The following USP45 variants were observed in gnomAD, a reference collection of about 807,000 sequenced individuals.
USP45 encodes the protein ubiquitin specific peptidase 45, also known as ubiquitin carboxyl-terminal hydrolase 45.
Under a neutral mutation model 95.8 loss-of-function variants are expected in USP45, and 89 were observed. The ratio of observed to expected loss-of-function variants is 0.93; its 90% confidence interval spans 0.78 to 1.11. USP45 has a LOEUF of 1.11. Ranked by LOEUF, USP45 falls within the 50% of genes least tolerant of loss-of-function variation. USP45 has a pLI of 0.00. For synonymous variants in USP45, 281 were observed against 316.2 expected, an observed-to-expected ratio of 0.89 and a Z score of 1.18; for missense variants, 898 against 942.5, an observed-to-expected ratio of 0.95 and a Z score of 0.62.
chr6:99,490,823 G>C (rs972376968), intron 5 of USP45, among the ~76,000 whole-genome samples: 59 of 152,272 alleles, frequency 3.9e-4, no homozygotes, highest in African/African-American at 1.3e-3. Context: ...CCTGTTCTAA[G>C]GAGCAGGAAG....
At chr6:99,492,678 G>T (rs971095504) in intron 5 of USP45, among the ~76,000 whole-genome samples, 5 of 151,758 alleles carry the variant, frequency 3.3e-5, no homozygotes, top group Non-Finnish European at 7.4e-5. Context: ...TTTTAGTAGA[G>T]ATGGGGTTTC....
chr6:99,475,315 TC>T (rs1272995194), intron 9 of USP45, among the ~76,000 whole-genome samples: 3 of 105,790 alleles, frequency 2.8e-5, no homozygotes, highest in African/African-American at 6.9e-5. Flanking sequence ...ATCTTAAGAT[TC>T]CTTTTTTTTT....
chr6:99,448,354 A>T (rs1050618949), intron 13 of USP45, among the ~76,000 whole-genome samples: 1 of 152,214 alleles, frequency 6.6e-6, no homozygotes, highest in African/African-American at 2.4e-5. Context: ...AAATGACCTG[A>T]TTGAGCTGAA....
At chr6:99,447,912 G>A (rs965082065) in intron 13 of USP45, among the ~76,000 whole-genome samples, 14 of 152,294 alleles carry the variant, frequency 9.2e-5, no homozygotes, top group African/African-American at 1.4e-4. Context: ...TGCAGCCTCC[G>A]CTGCTGATAT....
At chr6:99,460,953 T>C (rs1335152973) in intron 13 of USP45, 4 of 984,732 alleles carry the variant, frequency 4.1e-6, no homozygotes, top group Non-Finnish European at 4.8e-6. Context: ...AGCAAGATTC[T>C]GGTCTTATAA....
intron 3 of USP45, 39 bp downstream of exon 3, chr6:99,508,571 A>T: frequency 6.3e-7 from 1 of 1,580,602 alleles, no homozygotes; most frequent in Non-Finnish European, 8.6e-7. Flanking sequence ...TAAGGAAAAC[A>T]TTTCAGACAA....
intron 5 of USP45, among the ~76,000 whole-genome samples, chr6:99,502,322 T>C (rs1174801758): frequency 6.6e-6 from 1 of 152,232 alleles, no homozygotes; most frequent in Admixed American, 6.5e-5. Context: ...TATCCTTTTT[T>C]GCTATATTAA....
chr6:99,488,593 C>T, intron 6 of USP45, 88 bp downstream of exon 6: 1 of 1,339,486 alleles, frequency 7.5e-7, no homozygotes, highest in Non-Finnish European at 1.0e-6. Flanking sequence ...GAACATTTAG[C>T]AGTCATTTGA....
Position 99,488,266 on chromosome 6 carries a change from A to G in USP45, c.648T>C (p.Asp216=), listed in dbSNP as rs1183868932. The part of the protein sequence containing the change: ...QNLAQTYTLT[D]LMNEIKESST... Reference sequence around the variant, plus strand: ...TACTTTCTTTGATCTCATTCATCAGATCAGTAAGAGTATAAGTCTGTGCCA... The same window carrying G: ...TACTTTCTTTGATCTCATTCATCAGGTCAGTAAGAGTATAAGTCTGTGCCA... Residue 216 remains aspartate, a synonymous_variant, in exon 7 of 18, where the codon GAT becomes GAC. Coordinates refer to ENST00000500704, the MANE Select transcript of USP45 (RefSeq NM_001346022.3). The G allele has an allele frequency of 6.2e-7, 1 of 1,611,966 alleles. No individual in the cohort carries two copies. The highest frequency in any genetic ancestry group is 1.7e-5 in the Admixed American group (1 of 59,846).
At position 99,446,249 on chromosome 6, in the gene USP45, G is replaced by A. The variant is rs1242877230; in HGVS notation, c.1523C>T (p.Ser508Leu). 1 of 1,614,176 alleles carries A rather than the reference G, an allele frequency of 6.2e-7. No individual in the cohort carries two copies. Among genetic ancestry groups the A allele is most frequent in the Non-Finnish European group, 8.5e-7 (1 of 1,180,026 alleles). The change falls in exon 14 of 18, where the codon TCA (serine) becomes TTA (leucine). Residue 508 changes from serine (S) to leucine (L), a missense_variant. Ser to Leu is a moderately radical substitution (Grantham distance 145). Coordinates refer to ENST00000500704, the MANE Select transcript of USP45 (RefSeq NM_001346022.3). ...CTGCTTTGAAGCACTTTCAGATTCT[G>A]AAGGCTCACTGTCAGCATCAACATT... ...ESNVDADSEPSESESASKQTG... is the reference protein window; with the variant it reads ...ESNVDADSEPLESESASKQTG...
intron 13 of USP45, among the ~76,000 whole-genome samples, chr6:99,455,229 G>A (rs1348824838): frequency 6.7e-6 from 1 of 149,740 alleles, no homozygotes; most frequent in Non-Finnish European, 1.5e-5. Flanking sequence ...ATCACTTGAG[G>A]TCAGGAGTTT....
rs181060446 is a variant in USP45 at position 99,445,748 on chromosome 6, C to G, written c.1975+49G>C. 8 of 1,346,194 alleles carry G rather than the reference C, an allele frequency of 5.9e-6. No homozygotes were observed. In the African/African-American group the frequency reaches 1.2e-4, roughly 20 times the overall value. The allele number at this position is 1,346,194 out of a possible 1,614,324, so 83.4% of individuals were successfully genotyped here. ...AATTCTCAGTGAAATTTGTAACTCA[C>G]TAGACACTATCAGGAGATCAATAAT... On this transcript the variant is annotated intron_variant, in intron 14 of 17. Coordinates refer to ENST00000500704, the MANE Select transcript of USP45 (RefSeq NM_001346022.3).
In USP45 at chr6:99,460,273, G is replaced by A. The variant is rs562862130; in HGVS notation, c.1308+4331C>T. ...TACCTCTATTATTAAAAGATGCAAG[G>A]AGCTTCTCTTTTTGTTACAGACACT... On this transcript the variant is annotated intron_variant, in intron 13 of 17. Coordinates refer to ENST00000500704, the MANE Select transcript of USP45 (RefSeq NM_001346022.3). 5.5e-4 allele frequency among the ~76,000 whole-genome samples: 84 copies of A among 152,186 alleles called. 1 individual carries two copies. Among genetic ancestry groups the A allele is most frequent in the African/African-American group, 2.0e-3 (82 of 41,548 alleles).
intron 17 of USP45, 85 bp from the exon 18 acceptor site, chr6:99,435,931 C>T (rs1010937705): frequency 2.5e-5 from 34 of 1,365,462 alleles, no homozygotes; most frequent in Non-Finnish European, 3.2e-5. Context: ...ATATTCATTA[C>T]AAACTCTATC....
chr6:99,513,743 T>A (rs1800459085), intron 1 of USP45, among the ~76,000 whole-genome samples: 1 of 152,248 alleles, frequency 6.6e-6, no homozygotes, highest in African/African-American at 2.4e-5. Flanking sequence ...ATGTAATGTC[T>A]AAACAGACAG....
At chr6:99,486,842 CACAA>C (rs1379679001) in intron 7 of USP45, among the ~76,000 whole-genome samples, 2 of 152,042 alleles carry the variant, frequency 1.3e-5, no homozygotes, top group African/African-American at 2.4e-5. Flanking sequence ...TACACACACA[CACAA>C]ACACACACAC....
intron 15 of USP45, among the ~76,000 whole-genome samples, chr6:99,440,388 G>A (rs1377867457): frequency 6.6e-6 from 1 of 152,148 alleles, no homozygotes; most frequent in South Asian, 2.1e-4. Context: ...GTACTTTTAT[G>A]TTCTTAAATA....
At chr6:99,510,025 A>G in intron 2 of USP45, 96 bp downstream of exon 2, 1 of 931,546 alleles carries the variant, frequency 1.1e-6, no homozygotes, top group South Asian at 1.6e-5. Flanking sequence ...TTTGTGTACA[A>G]GTTGATCCTC....
Position 99,511,836 on chromosome 6 carries a change from TGA to T in USP45, c.-10-1608_-10-1607del, listed in dbSNP as rs1188966253. ...GTATAGAGAGACACATATATGTATG[TGA>T]GTGTGTGTATATATATATATATATA... On this transcript the variant is annotated intron_variant, in intron 1 of 17. Coordinates refer to ENST00000500704, the MANE Select transcript of USP45 (RefSeq NM_001346022.3). Among the ~76,000 whole-genome samples, 17 of 19,318 alleles carry T rather than the reference TGA, an allele frequency of 8.8e-4. No homozygotes were observed. In the East Asian group the frequency reaches 0.094, roughly 107 times the overall value. The allele number at this position is 19,318 out of a possible 152,430, so 12.7% of individuals were successfully genotyped here. A position where few individuals can be genotyped will look rare whatever the true frequency, so the allele number is the denominator to read the frequency against.
Sources: allele counts gnomAD v4.1 joint callset (sites outside exome capture counted in the v4.1 genomes callset), GRCh38; gene constraint gnomAD v4.1.1; transcripts MANE v1.5; gene names NCBI Gene and HGNC (gene_info 2026-07-23, HGNC 2026-07-21).